ANAPC10: variants seen among roughly 807,000 people sequenced by gnomAD.
ANAPC10 encodes anaphase-promoting complex subunit 10.
A neutral mutation model predicts 22.0 loss-of-function variants in ANAPC10; 12 were observed. The ratio of observed to expected loss-of-function variants is 0.55; its 90% CI spans 0.35 to 0.88. The LOEUF (loss-of-function observed/expected upper bound fraction) is 0.88, where lower values mean the gene tolerates loss of function less well. ANAPC10 is among the 40% of genes least tolerant of loss of function. The pLI, the probability that ANAPC10 is intolerant of heterozygous loss-of-function variation, is 0.01. For synonymous variants in ANAPC10, 65 were observed against 69.5 expected (o/e 0.94, Z 0.32); for missense variants, 188 against 220.9 (o/e 0.85, Z 0.94).
chr4:145,081,738 TC>T lies in ANAPC10; in HGVS notation c.127del (p.Asp43IlefsTer8). On this transcript the variant is annotated frameshift_variant, in exon 3 of 5. Transcript: ENST00000507656. LOFTEE classifies it high-confidence loss of function. The stretch of plus-strand genomic sequence containing the variant: ...TTCTAGATTGTCATCTCGTAACTGA[TC>T]CACTCCAAATCCTAAAAACACCAAA... ...LSSCKPGFGV[D>X]QLRDDNLETY... 1 of 1,612,504 alleles carries T rather than the reference TC, an allele frequency of 6.2e-7. No homozygotes were observed. Among genetic ancestry groups the T allele is most frequent in the Non-Finnish European group, 8.5e-7 (1 of 1,179,224 alleles).
intron 3 of ANAPC10, among the ~76,000 whole-genome samples, chr4:145,079,479 A>G (rs1397922187): frequency 6.6e-6 from 1 of 152,258 alleles, no homozygotes; most frequent in Admixed American, 6.5e-5. Flanking sequence ...GAGATTTCTC[A>G]AAGAATTTAA....
intron 2 of ANAPC10, among the ~76,000 whole-genome samples, chr4:145,087,189 G>A (rs1368573587): frequency 6.6e-6 from 1 of 152,128 alleles, no homozygotes; most frequent in Non-Finnish European, 1.5e-5. Context: ...ATGCCACTGA[G>A]AGACTAGGGT....
intron 2 of ANAPC10, among the ~76,000 whole-genome samples, chr4:145,089,859 C>T (rs1747413837): frequency 6.6e-6 from 1 of 152,152 alleles, no homozygotes; most frequent in Non-Finnish European, 1.5e-5. Context: ...TGCCTCACTT[C>T]AATCCATCCT....
intron 3 of ANAPC10, among the ~76,000 whole-genome samples, chr4:145,079,767 A>T (rs1476821317): frequency 6.6e-6 from 1 of 152,162 alleles, no homozygotes; most frequent in Non-Finnish European, 1.5e-5. Flanking sequence ...CTAAGAGAAC[A>T]CAGAAACAGA....
chr4:145,047,659 G>A (rs1386895092), intron 4 of ANAPC10, among the ~76,000 whole-genome samples: 1 of 151,576 alleles, frequency 6.6e-6, no homozygotes, highest in Non-Finnish European at 1.5e-5. Context: ...CTCAACACAA[G>A]GCAACTCTTC....
chr4:145,005,539 T>C (rs1229061599), intron 4 of ANAPC10, among the ~76,000 whole-genome samples: 2 of 152,194 alleles, frequency 1.3e-5, no homozygotes, highest in Non-Finnish European at 1.5e-5. Flanking sequence ...CTAGTTCTTT[T>C]AGTTATGATC....
chr4:145,027,704 G>C (rs1376049897), intron 4 of ANAPC10, among the ~76,000 whole-genome samples: 2 of 152,196 alleles, frequency 1.3e-5, no homozygotes, highest in Non-Finnish European at 2.9e-5. Context: ...TGAGGCAATG[G>C]AGAATGTGTT....
intron 2 of ANAPC10, 51 bp downstream of exon 2, chr4:145,095,934 G>A (rs1271566099): frequency 6.2e-7 from 1 of 1,613,014 alleles, no homozygotes; most frequent in Admixed American, 1.7e-5. Context: ...GCCTGTACAA[G>A]GAAACTGCAA....
chr4:145,080,673 C>T (rs1745863767), intron 3 of ANAPC10, among the ~76,000 whole-genome samples: 1 of 152,114 alleles, frequency 6.6e-6, no homozygotes, highest in South Asian at 2.1e-4. Flanking sequence ...CTTTGGGAGG[C>T]CGAGGCGGGT....
chr4:145,026,131 TC>T (rs1736621886), intron 4 of ANAPC10, among the ~76,000 whole-genome samples: 1 of 152,152 alleles, frequency 6.6e-6, no homozygotes, highest in African/African-American at 2.4e-5. Context: ...AAATCTCACC[TC>T]CCATCCCTTG....
At chr4:145,053,879 C>A in intron 4 of ANAPC10, 1 of 505,844 alleles carries the variant, frequency 2.0e-6, no homozygotes, top group Non-Finnish European at 3.5e-6. Flanking sequence ...GCAAGATTTA[C>A]TGCAGCACTT....
intron 2 of ANAPC10, among the ~76,000 whole-genome samples, chr4:145,087,528 T>G (rs777719940): frequency 6.6e-6 from 1 of 152,146 alleles, no homozygotes; most frequent in Admixed American, 6.5e-5. Context: ...AAATGGTCTC[T>G]GTAGAGAAGT....
Position 145,064,642 on chromosome 4 carries a change from T to A in ANAPC10, c.257A>T (p.Asp86Val), listed in dbSNP as rs1393052604. The A allele has an allele frequency of 6.2e-7, 1 of 1,603,316 alleles. No homozygotes were observed. Among genetic ancestry groups the A allele is most frequent in the Non-Finnish European group, 8.5e-7 (1 of 1,173,528 alleles). Residue 86 changes from aspartate (D) to valine (V), a missense_variant, in exon 4 of 5, where the codon GAT (aspartate) becomes GTT (valine). Physicochemically the swap from Asp to Val is radical, Grantham distance 152. Coordinates refer to ENST00000507656, the MANE Select transcript of ANAPC10 (RefSeq NM_001256706.2). Reference sequence around the variant, plus strand: ...GATCTTGCTTGGAGTATAGCTTTCATCAGATTTGTAGTCTGCATAAATACA... The same window carrying A: ...GATCTTGCTTGGAGTATAGCTTTCAACAGATTTGTAGTCTGCATAAATACA... ...TLCIYADYKSDESYTPSKISV... is the reference protein window; with the variant it reads ...TLCIYADYKSVESYTPSKISV...
At chr4:145,026,157 C>A in intron 4 of ANAPC10, among the ~76,000 whole-genome samples, 1 of 152,068 alleles carries the variant, frequency 6.6e-6, no homozygotes, top group East Asian at 1.9e-4. Context: ...GTGCCCCAGG[C>A]CAGAGAATGC....
intron 4 of ANAPC10, among the ~76,000 whole-genome samples, chr4:145,027,565 AG>A (rs1736946802): frequency 1.3e-5 from 2 of 152,194 alleles, no homozygotes; most frequent in Non-Finnish European, 2.9e-5. Flanking sequence ...AATAAGGCAC[AG>A]CATCATGAAT....
intron 4 of ANAPC10, among the ~76,000 whole-genome samples, chr4:145,036,611 T>A (rs1238858401): frequency 6.6e-6 from 1 of 152,180 alleles, no homozygotes; most frequent in East Asian, 1.9e-4. Flanking sequence ...ACCTCCCAAG[T>A]AGCTGGTACT....
intron 4 of ANAPC10, chr4:145,033,137 G>T (rs919298783): frequency 6.6e-6 from 1 of 152,194 alleles, no homozygotes; most frequent in Non-Finnish European, 1.5e-5. Context: ...ACAATACTTT[G>T]CAGGACTGGG....
At chr4:145,001,180 T>C (rs1450889562) in intron 4 of ANAPC10, among the ~76,000 whole-genome samples, 1 of 121,390 alleles carries the variant, frequency 8.2e-6, no homozygotes, top group Non-Finnish European at 1.6e-5. Flanking sequence ...ACTTAAAGTA[T>C]AATAAATGAA....
intron 3 of ANAPC10, among the ~76,000 whole-genome samples, chr4:145,078,664 G>A (rs913518287): frequency 6.6e-6 from 1 of 152,104 alleles, no homozygotes; most frequent in Non-Finnish European, 1.5e-5. Context: ...GCATGGTACT[G>A]GTACAAAAAC....
Sources: gnomAD v4.1 joint callset for allele counts (sites outside exome capture counted in the v4.1 genomes callset) on GRCh38, gnomAD v4.1.1 for gene constraint, MANE v1.5 for transcripts, NCBI Gene and HGNC (gene_info 2026-07-23, HGNC 2026-07-21) for gene names.